ECPAS: variants seen among roughly 807,000 people sequenced by gnomAD.
ECPAS encodes the protein proteasome adapter and scaffold protein ECM29.
ECPAS carries 70 observed loss-of-function variants against 255.1 expected under a neutral mutation model. The ratio of observed to expected loss-of-function variants is 0.27; its 90% CI spans 0.23 to 0.33. The LOEUF (loss-of-function observed/expected upper bound fraction) is 0.33, where lower values mean the gene tolerates loss of function less well. Ranked by LOEUF, ECPAS falls within the 10% of genes least tolerant of loss-of-function variation. The probability of loss-of-function intolerance (pLI) is 1.00; values close to 1 mark genes in which losing one functional copy is unlikely to be tolerated. For synonymous variants in ECPAS, 784 were observed against 775.0 expected, an observed-to-expected ratio of 1.01 and a Z score of -0.19; for missense variants, 1,817 against 2,206.4, an observed-to-expected ratio of 0.82 and a Z score of 3.54.
chr9:111,457,577 T>C (rs763893989), intron 2 of ECPAS, among the ~76,000 whole-genome samples: 9 of 152,224 alleles, frequency 5.9e-5, no homozygotes, highest in Non-Finnish European at 1.0e-4. Flanking sequence ...TCCCTTCTGA[T>C]GGTTTCTATT....
rs1421344173 is a variant in ECPAS, at chr9:111,371,711, T to C, written c.4647A>G (p.Ala1549=). 1.9e-6 allele frequency: 3 copies of C among 1,613,952 alleles called. No individual in the cohort carries two copies. Among genetic ancestry groups the C allele is most frequent in the East Asian group, 4.5e-5 (2 of 44,880 alleles). The change falls in exon 43 of 50, where the codon GCA becomes GCG. Residue 1549 remains alanine, a synonymous_variant. Coordinates refer to ENST00000684092, the MANE Select transcript of ECPAS (RefSeq NM_001364929.1). ...GAGGTACTAGAGAGCTAGTCTGTTT[T>C]GCAATTGATGCCATGGCAATTGCAC... ...AQGAIAMASI[A]KQTSSLVPPY...
chr9:111,428,891 G>C (rs1394518788), intron 9 of ECPAS, among the ~76,000 whole-genome samples: 1 of 152,018 alleles, frequency 6.6e-6, no homozygotes, highest in East Asian at 1.9e-4. Flanking sequence ...CATTCTTCAT[G>C]TGCACAATAC....
In ECPAS at chr9:111,422,306, G is replaced by A. The variant is rs977875357; in HGVS notation, c.1266-106C>T. On this transcript the variant is annotated intron_variant, in intron 13 of 49. Coordinates refer to ENST00000684092, the MANE Select transcript of ECPAS (RefSeq NM_001364929.1). ...TTTTCCTGAACTCTCTGAAGACAAT[G>A]TCAGCATCATTACCCGCTCTGAGAG... is the stretch of plus-strand genomic sequence containing the variant. 4.1e-6 allele frequency: 5 copies of A among 1,217,242 alleles called. No individual in the cohort carries two copies. The African/African-American group carries it at 7.6e-5, about 19-fold the overall frequency. The allele number at this position is 1,217,242 out of a possible 1,614,324, so 75.4% of individuals were successfully genotyped here. A position where few individuals can be genotyped will look rare whatever the true frequency, so the allele number is the denominator to read the frequency against.
chr9:111,406,574 T>C (rs1397378059), intron 24 of ECPAS, among the ~76,000 whole-genome samples: 1 of 149,860 alleles, frequency 6.7e-6, no homozygotes, highest in Non-Finnish European at 1.5e-5. Flanking sequence ...TACCCTAATT[T>C]GATCATTACA....
chr9:111,472,554 A>ACTTG (rs1242096415), intron 2 of ECPAS, among the ~76,000 whole-genome samples: 3 of 151,292 alleles, frequency 2.0e-5, no homozygotes, highest in Admixed American at 1.3e-4. Flanking sequence ...CAGGAGGATC[A>ACTTG]CTTGAGCCTT....
At position 111,484,207 on chromosome 9, in the gene ECPAS, G is replaced by C. The variant is rs748900291; in HGVS notation, c.-174C>G. 42 of 1,471,958 alleles carry C rather than the reference G, an allele frequency of 2.9e-5. No homozygotes were observed. The highest frequency in any genetic ancestry group is 3.6e-5 in the Non-Finnish European group (40 of 1,115,278). 91.2% of individuals were successfully genotyped at this position (1,471,958 alleles called of 1,614,324 possible). A position where few individuals can be genotyped will look rare whatever the true frequency, so the allele number is the denominator to read the frequency against. ...CGAGGCGTTCGGCGGGCCGGGCCCC[G>C]GGGAGCCGCGCGCCGCAGTCCGTGA... On this transcript the variant is annotated 5_prime_UTR_variant, in exon 1 of 50. Transcript: ENST00000684092.
chr9:111,459,135 T>C lies in ECPAS; in HGVS notation c.23-7580A>G, dbSNP rs145829319. On this transcript the variant is annotated intron_variant, in intron 2 of 49. Coordinates refer to ENST00000684092, the MANE Select transcript of ECPAS (RefSeq NM_001364929.1). ...CAGAGTAATTATATATGATATAAAA[T>C]ATTTTCCATATGTTATATAAATATT... Among the ~76,000 whole-genome samples, 621 of 152,316 alleles carry C rather than the reference T, an allele frequency of 4.1e-3. 5 individuals are homozygous for C. Among genetic ancestry groups the C allele is most frequent in the African/African-American group, 0.014 (595 of 41,566 alleles).
rs755394324 is a variant in ECPAS, at chr9:111,373,225, A to G, written c.4281T>C (p.Asp1427=). 5.6e-6 allele frequency: 9 copies of G among 1,613,718 alleles called. No individual in the cohort carries two copies. In the African/African-American group the frequency reaches 9.3e-5, roughly 17 times the overall value. ...TCTGCAGGAGTTTTTCAGTGCTGCT[A>G]TCCCGTGAGGTCTGAAAAAGAAACA... ...AMGHLVRTSR[D]SSTEKLLQKL... Residue 1427 remains aspartate (D), a synonymous_variant, in exon 41 of 50, where the codon GAT becomes GAC. Transcript: ENST00000684092.
rs560359304 is a variant in ECPAS, at chr9:111,420,742, T to G, written c.1456-622A>C. 2.0e-5 allele frequency among the ~76,000 whole-genome samples: 3 copies of G among 152,282 alleles called. No individual in the cohort carries two copies. In the South Asian group the frequency reaches 6.2e-4, roughly 32 times the overall value. On this transcript the variant is annotated intron_variant, in intron 15 of 49. Coordinates refer to ENST00000684092, the MANE Select transcript of ECPAS (RefSeq NM_001364929.1). ...TTTATTCTTACGTACCTTCCCCAGGTCACTCCTCTAGCCACAAACATAAGT... is the reference window on the plus strand; with the variant it reads ...TTTATTCTTACGTACCTTCCCCAGGGCACTCCTCTAGCCACAAACATAAGT...
chr9:111,467,409 G>T (rs1391890770), intron 2 of ECPAS, among the ~76,000 whole-genome samples: 2 of 152,158 alleles, frequency 1.3e-5, no homozygotes, highest in Admixed American at 6.5e-5. Context: ...AATTTCAGAG[G>T]ATTCTTTCTG....
chr9:111,382,907 T>C (rs1305565566), intron 35 of ECPAS, among the ~76,000 whole-genome samples: 1 of 152,158 alleles, frequency 6.6e-6, no homozygotes, highest in African/African-American at 2.4e-5. Flanking sequence ...CTGTGAAATA[T>C]TACTAAATAT....
chr9:111,473,731 C>T (rs2098292457), intron 1 of ECPAS, among the ~76,000 whole-genome samples: 1 of 152,204 alleles, frequency 6.6e-6, no homozygotes, highest in Non-Finnish European at 1.5e-5. Flanking sequence ...CTCTGAGAGG[C>T]CGAGGAGGGC....
chr9:111,456,813 G>A (rs2098267511), intron 2 of ECPAS, among the ~76,000 whole-genome samples: 1 of 152,122 alleles, frequency 6.6e-6, no homozygotes, highest in African/African-American at 2.4e-5. Context: ...ATGCGTAAGA[G>A]CTTGGTGGTC....
chr9:111,483,348 G>C (rs941618793), intron 1 of ECPAS, among the ~76,000 whole-genome samples: 9 of 151,198 alleles, frequency 6.0e-5, no homozygotes, highest in African/African-American at 2.2e-4. Flanking sequence ...TCCGCGCCCC[G>C]CCCGTCCGCC....
chr9:111,439,078 AG>A (rs776608779), intron 6 of ECPAS, among the ~76,000 whole-genome samples: 1 of 152,218 alleles, frequency 6.6e-6, no homozygotes, highest in Non-Finnish European at 1.5e-5. Flanking sequence ...CTCGACTACA[AG>A]GGGCTCACCA....
intron 49 of ECPAS, among the ~76,000 whole-genome samples, 174 bp downstream of exon 49, chr9:111,363,414 T>C (rs1309837429): frequency 6.6e-6 from 1 of 152,168 alleles, no homozygotes; most frequent in Non-Finnish European, 1.5e-5. Flanking sequence ...CAAATTTAAA[T>C]ATTTAGTAAA....
At chr9:111,379,335 A>C (rs2098137693) in intron 35 of ECPAS, among the ~76,000 whole-genome samples, 1 of 152,268 alleles carries the variant, frequency 6.6e-6, no homozygotes, top group Non-Finnish European at 1.5e-5. Context: ...TTTTGTTTAC[A>C]CTATATTGTA....
intron 31 of ECPAS, among the ~76,000 whole-genome samples, 170 bp from the exon 32 acceptor site, chr9:111,386,626 G>C (rs745394509): frequency 1.3e-5 from 2 of 152,026 alleles, no homozygotes; most frequent in Non-Finnish European, 2.9e-5. Flanking sequence ...TTCCCACTTT[G>C]GTCACTATAA....
intron 38 of ECPAS, 110 bp downstream of exon 38, chr9:111,375,003 A>T (rs2098131743): frequency 1.3e-6 from 1 of 774,720 alleles, no homozygotes; most frequent in Middle Eastern, 2.3e-4. Flanking sequence ...TGGTTAGTGT[A>T]TAATATTAGA....
Sources: allele counts gnomAD v4.1 joint callset (sites outside exome capture counted in the v4.1 genomes callset), GRCh38; gene constraint gnomAD v4.1.1; transcripts MANE v1.5; gene names NCBI Gene and HGNC (gene_info 2026-07-23, HGNC 2026-07-21).